TXNDC11: variants seen among roughly 807,000 people sequenced by gnomAD.
The protein encoded by TXNDC11 is thioredoxin domain containing 11, also known as thioredoxin domain-containing protein 11.
Under a neutral mutation model 78.0 loss-of-function variants are expected in TXNDC11, and 68 were observed. That is an observed-to-expected ratio of 0.87 (90% confidence interval 0.72 to 1.07). The LOEUF (loss-of-function observed/expected upper bound fraction) is 1.07. Ranked by LOEUF, TXNDC11 falls within the 50% of genes least tolerant of loss-of-function variation. The probability of loss-of-function intolerance (pLI) is 0.00; values close to 1 mark genes in which losing one functional copy is unlikely to be tolerated. For synonymous variants in TXNDC11, 571 were observed against 495.2 expected (o/e 1.15, Z -2.03); for missense variants, 1,389 against 1,221.8 (o/e 1.14, Z -2.04).
chr16:11,686,449 A>C (rs1451283211), intron 10 of TXNDC11, among the ~76,000 whole-genome samples: 2 of 152,228 alleles, frequency 1.3e-5, no homozygotes. Context: ...CGGAATTCCT[A>C]TTCCATTACT....
intron 5 of TXNDC11, among the ~76,000 whole-genome samples, chr16:11,713,913 C>T (rs1006126454): frequency 6.6e-6 from 1 of 152,104 alleles, no homozygotes; most frequent in Non-Finnish European, 1.5e-5. Flanking sequence ...ATGTCTGGTC[C>T]AAAGACCCAA....
At chr16:11,730,164 A>G (rs1052888163) in intron 4 of TXNDC11, among the ~76,000 whole-genome samples, 2 of 152,198 alleles carry the variant, frequency 1.3e-5, no homozygotes, top group African/African-American at 2.4e-5. Context: ...CTACATCAGG[A>G]AAGTTAGAAA....
Position 11,699,922 on chromosome 16 carries a change from C to A in TXNDC11, c.906+530G>T, listed in dbSNP as rs759154586. On this transcript the variant is annotated intron_variant, in intron 6 of 11. Coordinates refer to ENST00000283033, the MANE Select transcript of TXNDC11 (RefSeq NM_015914.7). Reference sequence around the variant, plus strand: ...AAGCAGCTGAGTTCAGGCTGCTCCACAGAAAGCAAATGAAATCGGGGAACA... The same window carrying A: ...AAGCAGCTGAGTTCAGGCTGCTCCAAAGAAAGCAAATGAAATCGGGGAACA... Among the ~76,000 whole-genome samples the A allele has an allele frequency of 3.9e-5, 6 of 152,212 alleles. No homozygotes were observed. The East Asian group carries it at 5.8e-4, about 15-fold the overall frequency.
At chr16:11,723,868 A>G (rs2051793064) in intron 4 of TXNDC11, among the ~76,000 whole-genome samples, 1 of 152,242 alleles carries the variant, frequency 6.6e-6, no homozygotes, top group African/African-American at 2.4e-5. Flanking sequence ...ATGCTAAATA[A>G]GTGTTCTTAA....
chr16:11,721,524 G>C, intron 5 of TXNDC11, 53 bp downstream of exon 5: 6 of 945,356 alleles, frequency 6.3e-6, no homozygotes, highest in Non-Finnish European at 1.0e-5. Context: ...TGGAAAAGAT[G>C]TAAGTAACAA....
At chr16:11,715,995 T>G (rs2051516067) in intron 5 of TXNDC11, among the ~76,000 whole-genome samples, 1 of 152,236 alleles carries the variant, frequency 6.6e-6, no homozygotes, top group African/African-American at 2.4e-5. Flanking sequence ...ATTACTTTAC[T>G]CACACACAAA....
At chr16:11,696,890 CACACCCAA>C in intron 7 of TXNDC11, among the ~76,000 whole-genome samples, 1 of 152,244 alleles carries the variant, frequency 6.6e-6, no homozygotes, top group East Asian at 1.9e-4. Context: ...AGGACCCTGA[CACACCCAA>C]ACCAGACAGG....
At chr16:11,680,612 T>C (rs910990379) in intron 11 of TXNDC11, among the ~76,000 whole-genome samples, 1 of 152,362 alleles carries the variant, frequency 6.6e-6, no homozygotes, top group African/African-American at 2.4e-5. Context: ...TCTATTTACC[T>C]GTGCCTGTAC....
chr16:11,719,981 A>T (rs2048209463), intron 5 of TXNDC11, among the ~76,000 whole-genome samples: 1 of 152,150 alleles, frequency 6.6e-6, no homozygotes. Context: ...CAGTCTGAGG[A>T]AGGAGAAGCG....
intron 5 of TXNDC11, among the ~76,000 whole-genome samples, chr16:11,709,081 T>C (rs2141053878): frequency 6.6e-6 from 1 of 152,284 alleles, no homozygotes; most frequent in East Asian, 1.9e-4. Flanking sequence ...GTATAAACTA[T>C]CATTACTTGC....
intron 3 of TXNDC11, among the ~76,000 whole-genome samples, chr16:11,731,673 A>G (rs2052053241): frequency 6.6e-6 from 1 of 150,926 alleles, no homozygotes; most frequent in African/African-American, 2.5e-5. Flanking sequence ...ACCATAATAC[A>G]TGGTTACAGA....
chr16:11,742,721 A>T lies in TXNDC11; in HGVS notation c.10T>A (p.Cys4Ser). 6.7e-7 allele frequency: 1 copy of T among 1,481,890 alleles called. No individual in the cohort carries two copies. Among genetic ancestry groups the T allele is most frequent in the Middle Eastern group, 2.0e-4 (1 of 5,048 alleles). 91.8% of individuals were successfully genotyped at this position (1,481,890 alleles called of 1,614,324 possible). The change falls in exon 1 of 12, where the codon TGC becomes AGC. Residue 4 changes from cysteine to serine, a missense_variant. Cys to Ser is a moderately radical substitution (Grantham distance 112, BLOSUM62 -1). Coordinates refer to ENST00000283033, the MANE Select transcript of TXNDC11 (RefSeq NM_015914.7). ...CTGCTGCCGCCGCCGCGGCCTCCGC[A>T]TTCCGACATTACATGCTCCCAGTCG... MSE[C>S]GGRGGGSSSS...
At chr16:11,717,434 GAA>G (rs58884197) in intron 5 of TXNDC11, among the ~76,000 whole-genome samples, 1,359 of 62,262 alleles carry the variant, frequency 0.022, 6 homozygotes, top group Middle Eastern at 0.054. Context: ...GACTCCAAAT[GAA>G]AAAAAAAAAA....
At chr16:11,736,563 G>A (rs1234313819) in intron 1 of TXNDC11, among the ~76,000 whole-genome samples, 1 of 152,132 alleles carries the variant, frequency 6.6e-6, no homozygotes, top group African/African-American at 2.4e-5. Context: ...CTCCACAAAA[G>A]CCACTTATCT....
chr16:11,730,570 C>T lies in TXNDC11; in HGVS notation c.699+75G>A, dbSNP rs544396840. On this transcript the variant is annotated intron_variant, in intron 4 of 11. Transcript: ENST00000283033. ...AATTCAGGAGGTATTTTTTTAAACC[C>T]CTTTAAAACAAACAATCCAATACAA... 8.5e-4 allele frequency: 1,264 copies of T among 1,481,544 alleles called. 4 individuals are homozygous for T. Among genetic ancestry groups the T allele is most frequent in the Non-Finnish European group, 1.1e-3 (1,200 of 1,081,676 alleles). The allele number at this position is 1,481,544 out of a possible 1,614,324, so 91.8% of individuals were successfully genotyped here.
At chr16:11,740,862 T>G (rs1383154525) in intron 1 of TXNDC11, among the ~76,000 whole-genome samples, 1 of 152,342 alleles carries the variant, frequency 6.6e-6, no homozygotes, top group East Asian at 1.9e-4. Context: ...ACACCCATAC[T>G]AGGCTCTCAA....
At chr16:11,702,612 G>A (rs1006836228) in intron 5 of TXNDC11, among the ~76,000 whole-genome samples, 17 of 152,336 alleles carry the variant, frequency 1.1e-4, no homozygotes, top group Non-Finnish European at 1.0e-4. Context: ...AGAGGTTGCC[G>A]CGAGCTGAGA....
At chr16:11,739,389 A>G (rs1471674743) in intron 1 of TXNDC11, among the ~76,000 whole-genome samples, 2 of 152,188 alleles carry the variant, frequency 1.3e-5, no homozygotes, top group Admixed American at 6.5e-5. Context: ...TTGCTGAGCC[A>G]GTAGCATGTG....
intron 5 of TXNDC11, among the ~76,000 whole-genome samples, chr16:11,714,677 T>C (rs1429534035): frequency 1.3e-5 from 2 of 151,686 alleles, no homozygotes; most frequent in Admixed American, 6.6e-5. Context: ...AGAACAATAC[T>C]CCAGAAAAGC....
Sources: allele counts gnomAD v4.1 joint callset (sites outside exome capture counted in the v4.1 genomes callset), GRCh38; gene constraint gnomAD v4.1.1; transcripts MANE v1.5; gene names NCBI Gene and HGNC (gene_info 2026-07-23, HGNC 2026-07-21).